The following PTPN9 variants were observed in gnomAD, a reference collection of about 807,000 sequenced individuals.
PTPN9 encodes protein tyrosine phosphatase non-receptor type 9, also known as tyrosine-protein phosphatase non-receptor type 9.
PTPN9 carries 26 observed loss-of-function variants against 69.8 expected under a neutral mutation model. The observed-to-expected ratio is 0.37, with a 90% confidence interval of 0.27 to 0.52. The LOEUF (loss-of-function observed/expected upper bound fraction) is 0.52, where lower values mean the gene tolerates loss of function less well. Among genes scored for constraint, PTPN9 ranks in the 20% least tolerant of loss-of-function variants. The pLI, the probability that PTPN9 is intolerant of heterozygous loss-of-function variation, is 0.91. For missense variants in PTPN9, 549 were observed against 740.3 expected, an observed-to-expected ratio of 0.74 and a Z score of 3.00; for synonymous variants, 274 against 272.5, an observed-to-expected ratio of 1.01 and a Z score of -0.05.
intron 1 of PTPN9, among the ~76,000 whole-genome samples, chr15:75,575,526 G>A (rs962524739): frequency 6.6e-6 from 1 of 152,148 alleles, no homozygotes; most frequent in Non-Finnish European, 1.5e-5. Flanking sequence ...GAGCAATAGG[G>A]CAGCATTACG....
In PTPN9 at chr15:75,548,054, C is replaced by T. The variant is rs930113833; in HGVS notation, c.64-20793G>A. ...TCTCAATAGCCCTTAAAGATTGATA[C>T]TATTATTATCCCTATATTACAGTTG... is the stretch of plus-strand genomic sequence containing the variant. On this transcript the variant is annotated intron_variant, in intron 1 of 12. Transcript: ENST00000618819. Among the ~76,000 whole-genome samples, 4 of 152,102 alleles carry T rather than the reference C, an allele frequency of 2.6e-5. No homozygotes were observed. In the East Asian group the frequency reaches 5.8e-4, roughly 22 times the overall value.
intron 1 of PTPN9, among the ~76,000 whole-genome samples, chr15:75,530,630 TTATAATATAC>T (rs1337403875): frequency 1.4e-5 from 1 of 73,992 alleles, no homozygotes; most frequent in Non-Finnish European, 2.3e-5. Context: ...TATTATTATA[TTATAATATAC>T]TATAATATAT....
intron 1 of PTPN9, among the ~76,000 whole-genome samples, chr15:75,556,133 C>T (rs1310931758): frequency 1.3e-5 from 2 of 150,870 alleles, no homozygotes; most frequent in South Asian, 2.1e-4. Flanking sequence ...GGCACAACCT[C>T]GGCTCAGTGC....
intron 1 of PTPN9, among the ~76,000 whole-genome samples, chr15:75,531,573 T>C (rs1742071266): frequency 1.3e-5 from 2 of 151,362 alleles, no homozygotes; most frequent in African/African-American, 2.4e-5. Flanking sequence ...TTTTGTTTTT[T>C]GTTTTTTCTG....
intron 1 of PTPN9, among the ~76,000 whole-genome samples, chr15:75,572,456 T>C (rs1054828677): frequency 1.3e-5 from 2 of 152,148 alleles, no homozygotes; most frequent in African/African-American, 4.8e-5. Flanking sequence ...ATGCCTGTAA[T>C]CCGAGCACTT....
chr15:75,480,780 C>A (rs1314833462), intron 8 of PTPN9: 15 of 1,098,506 alleles, frequency 1.4e-5, no homozygotes, highest in Non-Finnish European at 1.5e-5. Context: ...GAGCGCCGCC[C>A]GCGAGGCAGC....
intron 1 of PTPN9, among the ~76,000 whole-genome samples, chr15:75,551,525 A>G (rs977398945): frequency 2.0e-5 from 3 of 152,104 alleles, no homozygotes; most frequent in Non-Finnish European, 4.4e-5. Context: ...AAGCCCAGCT[A>G]ATTTTTCTAT....
intron 2 of PTPN9, among the ~76,000 whole-genome samples, chr15:75,524,660 C>T (rs1026907291): frequency 6.6e-6 from 1 of 151,408 alleles, no homozygotes; most frequent in Non-Finnish European, 1.5e-5. Context: ...CGCCCATAAT[C>T]CCAGCTACTC....
intron 7 of PTPN9, among the ~76,000 whole-genome samples, chr15:75,497,225 C>T (rs1161280261): frequency 6.6e-6 from 1 of 152,146 alleles, no homozygotes; most frequent in African/African-American, 2.4e-5. Flanking sequence ...CACAGTGGCT[C>T]ATGCCTAAAA....
chr15:75,569,461 T>C (rs779617420), intron 1 of PTPN9, among the ~76,000 whole-genome samples: 1 of 151,962 alleles, frequency 6.6e-6, no homozygotes, highest in Non-Finnish European at 1.5e-5. Context: ...TCCCAGCACT[T>C]TGAGAGGCCG....
At chr15:75,524,755 G>A (rs1053219183) in intron 2 of PTPN9, among the ~76,000 whole-genome samples, 2 of 114,484 alleles carry the variant, frequency 1.7e-5, no homozygotes, top group African/African-American at 7.1e-5. Context: ...TCCAGCCTGG[G>A]TGACAAAATG....
chr15:75,496,138 CAA>C (rs55642191), intron 7 of PTPN9, among the ~76,000 whole-genome samples: 115 of 108,070 alleles, frequency 1.1e-3, no homozygotes, highest in African/African-American at 1.0e-3. Flanking sequence ...GAGCCTGTCT[CAA>C]AAAAAAAAAA....
intron 1 of PTPN9, among the ~76,000 whole-genome samples, chr15:75,540,598 G>A (rs1165517446): frequency 6.7e-6 from 1 of 150,346 alleles, no homozygotes; most frequent in African/African-American, 2.5e-5. Context: ...ATGTGAATCA[G>A]GTCTGATTGG....
rs1595944094 is a variant in PTPN9, at chr15:75,470,125, A to G, written c.1360-126T>C. ...CCAAGGCTCCTATCCACCACTGTCA[A>G]CTTTTCCCATAATTGCTTCTTTACT... is the stretch of plus-strand genomic sequence containing the variant. On this transcript the variant is annotated intron_variant, in intron 11 of 12. Coordinates refer to ENST00000618819, the MANE Select transcript of PTPN9 (RefSeq NM_002833.4). 32 of 865,516 alleles carry G rather than the reference A, an allele frequency of 3.7e-5. No individual in the cohort carries two copies. In the East Asian group the frequency reaches 8.0e-4, roughly 22 times the overall value. The allele number at this position is 865,516 out of a possible 1,614,324, so 53.6% of individuals were successfully genotyped here. A position where few individuals can be genotyped will look rare whatever the true frequency, so the allele number is the denominator to read the frequency against.
rs978312788 is a variant in PTPN9 at position 75,467,355 on chromosome 15, G to A, written c.*1414C>T. On this transcript the variant is annotated 3_prime_UTR_variant, in exon 13 of 13. Coordinates refer to ENST00000618819, the MANE Select transcript of PTPN9 (RefSeq NM_002833.4). ...TCTTCTGTCACAGGGGAAGGTTTAG[G>A]AGTTCCTGGGATTTTTTGGGAATGT... 1.3e-5 allele frequency: 2 copies of A among 152,566 alleles called. No individual in the cohort carries two copies. The highest frequency in any genetic ancestry group is 4.8e-5 in the African/African-American group (2 of 41,416). The allele number at this position is 152,566 out of a possible 1,614,324, so 9.5% of individuals were successfully genotyped here.
intron 7 of PTPN9, among the ~76,000 whole-genome samples, chr15:75,503,574 G>T (rs1251600327): frequency 3.8e-5 from 4 of 104,414 alleles, no homozygotes; most frequent in African/African-American, 7.6e-5. Flanking sequence ...CCGGCCAGCC[G>T]CTCCGTCCGG....
At chr15:75,495,673 C>T (rs533187640) in intron 7 of PTPN9, among the ~76,000 whole-genome samples, 74 of 151,352 alleles carry the variant, frequency 4.9e-4, no homozygotes, top group Non-Finnish European at 1.6e-4. Context: ...GCCGAGATCG[C>T]GCCACTACAC....
Position 75,530,469 on chromosome 15 carries a change from TA to T in PTPN9, c.64-3209del, listed in dbSNP as rs1202088128. Among the ~76,000 whole-genome samples, 9 of 99,104 alleles carry T rather than the reference TA, an allele frequency of 9.1e-5. No individual in the cohort carries two copies. In the South Asian group the frequency reaches 1.6e-3, roughly 18 times the overall value. The allele number at this position is 99,104 out of a possible 152,430, so 65.0% of individuals were successfully genotyped here. On this transcript the variant is annotated intron_variant, in intron 1 of 12. Coordinates refer to ENST00000618819, the MANE Select transcript of PTPN9 (RefSeq NM_002833.4). Reference sequence around the variant, plus strand: ...TATTATTATAATAAAATATATATTATAATAATAAAAATATATATTATAATAT... The same window carrying T: ...TATTATTATAATAAAATATATATTATATAATAAAAATATATATTATAATAT...
rs367721833 is a variant in PTPN9 at position 75,536,960 on chromosome 15, T to C, written c.64-9699A>G. 5.3e-5 allele frequency among the ~76,000 whole-genome samples: 8 copies of C among 152,274 alleles called. No individual in the cohort carries two copies. The South Asian group carries it at 1.7e-3, about 32-fold the overall frequency. The stretch of plus-strand genomic sequence containing the variant: ...TTACTTAATAAATATCTATGATGAA[T>C]GAATGAATTAATTATTGAAGTCTCA... On this transcript the variant is annotated intron_variant, in intron 1 of 12. Transcript: ENST00000618819.
Sources: allele counts gnomAD v4.1 joint callset (sites outside exome capture counted in the v4.1 genomes callset), GRCh38; gene constraint gnomAD v4.1.1; transcripts MANE v1.5; gene names NCBI Gene and HGNC (gene_info 2026-07-23, HGNC 2026-07-21).